Variants in CLCN5 observed in about 807,000 individuals in gnomAD.
CLCN5 encodes Cl-/H+ antiporter 5.
A neutral mutation model predicts 54.0 loss-of-function variants in CLCN5; 17 were observed. The observed-to-expected ratio is 0.31, with a 90% CI of 0.22 to 0.47. The LOEUF is 0.47. Ranked by LOEUF, CLCN5 falls within the 20% of genes least tolerant of loss-of-function variation. The probability of loss-of-function intolerance (pLI) is 1.00; values close to 1 mark genes in which losing one functional copy is unlikely to be tolerated. For missense variants in CLCN5, 448 were observed against 646.7 expected, an observed-to-expected ratio of 0.69 and a Z score of 3.33; for synonymous variants, 222 against 233.0, an observed-to-expected ratio of 0.95 and a Z score of 0.43.
chrX:49,923,388 C>G lies in CLCN5; in HGVS notation c.-204-19C>G, dbSNP rs1925170917. On this transcript the variant is annotated intron_variant, in intron 1 of 14. Transcript: ENST00000376091. ...TTTGCCTTTACATTGACGCACGTTT[C>G]CTTTGATTAACATTTCAGAGCAAAT... 1 of 112,856 alleles carries G rather than the reference C, an allele frequency of 8.9e-6. No homozygotes were observed. The highest frequency in any genetic ancestry group is 9.3e-5 in the Admixed American group (1 of 10,730). 9.3% of individuals were successfully genotyped at this position (112,856 alleles called of 1,213,427 possible).
intron 3 of CLCN5, among the ~76,000 whole-genome samples, chrX:49,977,931 C>G (rs1270082477): frequency 8.9e-6 from 1 of 111,872 alleles, no homozygotes; most frequent in African/African-American, 3.2e-5. Flanking sequence ...GGGAGAGAGA[C>G]AGGGCGCAAA....
chrX:49,961,102 G>C (rs782206788), intron 3 of CLCN5, among the ~76,000 whole-genome samples: 2 of 112,268 alleles, frequency 1.8e-5, no homozygotes, highest in African/African-American at 3.2e-5. Flanking sequence ...TGCCTGTTTA[G>C]ATGAGAAAAG....
chrX:50,081,857 A>T lies in CLCN5; in HGVS notation c.933+10A>T. ...AGCCAAGCGCAGAGAGGTAATAATG[A>T]ATGGCCTTAATAGTCTCTTTTTGGT... On this transcript the variant is annotated intron_variant, in intron 9 of 14. Coordinates refer to ENST00000376091, the MANE Select transcript of CLCN5 (RefSeq NM_001127898.4). The T allele has an allele frequency of 2.5e-6, 3 of 1,181,892 alleles. No individual in the cohort carries two copies. The highest frequency in any genetic ancestry group is 3.4e-6 in the Non-Finnish European group (3 of 871,182).
intron 3 of CLCN5, among the ~76,000 whole-genome samples, chrX:50,002,217 C>T (rs1438544061): frequency 9.0e-6 from 1 of 110,524 alleles, no homozygotes; most frequent in Non-Finnish European, 1.9e-5. Context: ...GGACTTCTCT[C>T]CTGAATTCCA....
At chrX:50,002,661 CTG>C (rs199677843) in intron 3 of CLCN5, among the ~76,000 whole-genome samples, 6,464 of 101,874 alleles carry the variant, frequency 0.063, 649 homozygotes, top group African/African-American at 0.24. Context: ...GTCTCTGTCT[CTG>C]TCTCTCTCTC....
chrX:50,063,863 A>G lies in CLCN5; in HGVS notation c.164-6016A>G, dbSNP rs781965984. Among the ~76,000 whole-genome samples the G allele has an allele frequency of 1.7e-4, 19 of 111,422 alleles. No individual in the cohort carries two copies. In the South Asian group the frequency reaches 6.6e-3, roughly 38 times the overall value. ...TGCAAGGCTGGTTCAGTATACGCAA[A>G]TCAATAAATGTAATCCAGCATATAA... is the stretch of plus-strand genomic sequence containing the variant. On this transcript the variant is annotated intron_variant, in intron 4 of 14. Coordinates refer to ENST00000376091, the MANE Select transcript of CLCN5 (RefSeq NM_001127898.4).
intron 4 of CLCN5, chrX:50,068,084 C>G (rs1933099546): frequency 8.9e-6 from 1 of 112,039 alleles, no homozygotes; most frequent in Admixed American, 9.5e-5. Flanking sequence ...ATCAGTTTCA[C>G]AAAATCCTAT....
At chrX:50,081,113 T>G (rs782062903) in intron 8 of CLCN5, among the ~76,000 whole-genome samples, 79 of 112,185 alleles carry the variant, frequency 7.0e-4, no homozygotes, top group African/African-American at 2.5e-3. Context: ...AAAACCCTGT[T>G]TCTAACTACT....
chrX:50,069,585 T>C, intron 4 of CLCN5: 4 of 835,898 alleles, frequency 4.8e-6, no homozygotes, highest in Non-Finnish European at 5.8e-6. Context: ...ACCTCCTTTT[T>C]GTCTTTTGTT....
chrX:50,028,923 T>C (rs1931549149), intron 3 of CLCN5, among the ~76,000 whole-genome samples: 1 of 112,077 alleles, frequency 8.9e-6, no homozygotes. Context: ...GAACTAATTT[T>C]GTCTGTTCAC....
chrX:50,041,684 A>T (rs965256352), intron 3 of CLCN5, among the ~76,000 whole-genome samples: 7 of 111,740 alleles, frequency 6.3e-5, no homozygotes, highest in African/African-American at 2.3e-4. Context: ...ACATGCCCTC[A>T]TTTGGTTTTA....
chrX:49,958,240 G>A (rs1927428203), intron 3 of CLCN5, among the ~76,000 whole-genome samples: 1 of 106,504 alleles, frequency 9.4e-6, no homozygotes, highest in South Asian at 4.0e-4. Flanking sequence ...TTTGAGATTA[G>A]TTTTTTTTTT....
chrX:50,063,982 A>G (rs1487916342), intron 4 of CLCN5, among the ~76,000 whole-genome samples: 5 of 108,615 alleles, frequency 4.6e-5, no homozygotes, highest in Admixed American at 9.8e-5. Context: ...AAAACTCTCA[A>G]TAAATTAGGT....
intron 3 of CLCN5, among the ~76,000 whole-genome samples, chrX:50,000,788 G>A (rs1417228791): frequency 4.5e-5 from 5 of 111,939 alleles, no homozygotes; most frequent in Non-Finnish European, 9.4e-5. Context: ...AGGAGGCGAC[G>A]CATGTATTGG....
chrX:50,010,707 CT>C, intron 3 of CLCN5: 1 of 172,326 alleles, frequency 5.8e-6, no homozygotes. Flanking sequence ...GGTGAGAGTG[CT>C]TTCTGAATGC....
At position 49,924,293 on chromosome X, in the gene CLCN5, C is replaced by T. The variant is rs190179876; in HGVS notation, c.-129+811C>T. On this transcript the variant is annotated intron_variant, in intron 2 of 14. Coordinates refer to ENST00000376091, the MANE Select transcript of CLCN5 (RefSeq NM_001127898.4). ...TCAGCCTTCCGAGTAGCTGGGATTA[C>T]AGGCGTCACTTGTAATTATAGTGCA... 3.8e-3 allele frequency among the ~76,000 whole-genome samples: 418 copies of T among 111,027 alleles called. 4 individuals carry two copies. The highest frequency in any genetic ancestry group is 0.013 in the African/African-American group (391 of 30,457).
intron 3 of CLCN5, among the ~76,000 whole-genome samples, chrX:49,955,866 G>A (rs1418537046): frequency 8.9e-6 from 1 of 111,762 alleles, no homozygotes; most frequent in African/African-American, 3.3e-5. Flanking sequence ...GGGGGCAGGG[G>A]TTGGAATAGT....
At chrX:49,930,995 C>T (rs1319755491) in intron 3 of CLCN5, among the ~76,000 whole-genome samples, 2 of 111,048 alleles carry the variant, frequency 1.8e-5, no homozygotes, top group Non-Finnish European at 3.8e-5. Context: ...CCTAATAGTT[C>T]CTAGCTAGTG....
At chrX:49,969,963 A>G (rs1290708067) in intron 3 of CLCN5, among the ~76,000 whole-genome samples, 2 of 111,383 alleles carry the variant, frequency 1.8e-5, no homozygotes, top group Non-Finnish European at 3.8e-5. Context: ...ATTACTATGT[A>G]CTTTTGATGA....
Sources: gnomAD v4.1 joint callset for allele counts (sites outside exome capture counted in the v4.1 genomes callset) on GRCh38, gnomAD v4.1.1 for gene constraint, MANE v1.5 for transcripts, NCBI Gene and HGNC (gene_info 2026-07-23, HGNC 2026-07-21) for gene names.